The following DCC variants were observed in gnomAD, a reference collection of about 807,000 sequenced individuals.
The protein encoded by DCC is netrin receptor DCC.
In DCC, 58 loss-of-function variants were observed where a neutral mutation model predicts 172.5. That is an observed-to-expected ratio of 0.34 (90% CI 0.27 to 0.42). DCC has a LOEUF of 0.42. Among genes scored for constraint, DCC ranks in the 10% least tolerant of loss-of-function variants. The pLI, the probability that DCC is intolerant of heterozygous loss-of-function variation, is 1.00. For synonymous variants in DCC, 709 were observed against 644.5 expected, an observed-to-expected ratio of 1.10 and a Z score of -1.52; for missense variants, 1,740 against 1,791.0, an observed-to-expected ratio of 0.97 and a Z score of 0.51.
chr18:52,578,682 G>T (rs945913787), intron 1 of DCC, among the ~76,000 whole-genome samples: 2 of 152,136 alleles, frequency 1.3e-5, no homozygotes, highest in African/African-American at 4.8e-5. Context: ...CACACTAAAA[G>T]AAAATTACTT....
intron 12 of DCC, among the ~76,000 whole-genome samples, chr18:53,237,933 A>C (rs2144630302): frequency 6.6e-6 from 1 of 152,284 alleles, no homozygotes; most frequent in South Asian, 2.1e-4. Flanking sequence ...CTTAGCACAG[A>C]ATCAGATTTA....
intron 1 of DCC, among the ~76,000 whole-genome samples, chr18:52,656,028 GTA>G (rs1305725304): frequency 3.6e-5 from 4 of 112,636 alleles, no homozygotes; most frequent in Non-Finnish European, 7.2e-5. Flanking sequence ...GTATATATAT[GTA>G]TATATGTGTG....
intron 13 of DCC, among the ~76,000 whole-genome samples, chr18:53,317,581 A>G (rs752919287): frequency 6.6e-6 from 1 of 152,174 alleles, no homozygotes; most frequent in Non-Finnish European, 1.5e-5. Context: ...TACCTGTGGT[A>G]GAATTCGGCT....
intron 17 of DCC, among the ~76,000 whole-genome samples, chr18:53,396,570 G>A (rs772066966): frequency 2.0e-5 from 3 of 152,026 alleles, no homozygotes; most frequent in South Asian, 2.1e-4. Flanking sequence ...AGTTACCATC[G>A]TTAAATGTTT....
chr18:52,890,652 ATAGT>A (rs1416170077), intron 2 of DCC, among the ~76,000 whole-genome samples: 1 of 152,130 alleles, frequency 6.6e-6, no homozygotes, highest in East Asian at 1.9e-4. Flanking sequence ...ATCTTAATAG[ATAGT>A]TCTATATCTA....
At chr18:53,272,768 A>G (rs940755175) in intron 12 of DCC, among the ~76,000 whole-genome samples, 1 of 152,128 alleles carries the variant, frequency 6.6e-6, no homozygotes, top group Non-Finnish European at 1.5e-5. Context: ...TGAGGTAGCA[A>G]TGTTTACTTC....
chr18:52,966,274 C>T (rs2040928865), intron 5 of DCC, among the ~76,000 whole-genome samples: 1 of 152,094 alleles, frequency 6.6e-6, no homozygotes, highest in Non-Finnish European at 1.5e-5. Context: ...ATTCACTTTC[C>T]AAAAATGAGC....
intron 13 of DCC, among the ~76,000 whole-genome samples, chr18:53,319,009 A>G (rs1315067647): frequency 6.6e-6 from 1 of 152,148 alleles, no homozygotes; most frequent in African/African-American, 2.4e-5. Flanking sequence ...ATCCAGCCAA[A>G]CTAAGTTTCA....
At chr18:52,414,230 G>A (rs982972112) in intron 1 of DCC, among the ~76,000 whole-genome samples, 3 of 151,986 alleles carry the variant, frequency 2.0e-5, no homozygotes, top group Admixed American at 2.0e-4. Flanking sequence ...ACAGGTGCCC[G>A]CCACCATGCC....
intron 1 of DCC, among the ~76,000 whole-genome samples, chr18:52,475,335 G>C (rs1239498200): frequency 6.6e-6 from 1 of 152,160 alleles, no homozygotes; most frequent in Non-Finnish European, 1.5e-5. Flanking sequence ...TGAACATGGA[G>C]CTCCAATAGT....
intron 5 of DCC, among the ~76,000 whole-genome samples, chr18:53,017,261 T>C (rs1311995642): frequency 6.6e-6 from 1 of 152,100 alleles, no homozygotes; most frequent in Non-Finnish European, 1.5e-5. Flanking sequence ...ATGTTAATTT[T>C]CTTATGCTTC....
intron 21 of DCC, among the ~76,000 whole-genome samples, chr18:53,433,662 A>AGTT (rs77489271): frequency 0.42 from 64,253 of 151,810 alleles, 15,328 homozygotes; most frequent in Non-Finnish European, 0.55. Context: ...AATGCATCAC[A>AGTT]GTTATATAAA....
chr18:52,870,065 GA>G (rs1404252122), intron 2 of DCC, among the ~76,000 whole-genome samples: 1 of 152,010 alleles, frequency 6.6e-6, no homozygotes, highest in East Asian at 1.9e-4. Flanking sequence ...GCCAGTGGGC[GA>G]CTTGGCCTAG....
At chr18:53,328,993 T>C (rs2057500345) in intron 14 of DCC, among the ~76,000 whole-genome samples, 1 of 152,210 alleles carries the variant, frequency 6.6e-6, no homozygotes, top group African/African-American at 2.4e-5. Flanking sequence ...TCCATTTCTG[T>C]TACAAAAGGA....
intron 12 of DCC, among the ~76,000 whole-genome samples, chr18:53,243,091 G>C (rs542137527): frequency 1.3e-5 from 2 of 152,230 alleles, no homozygotes; most frequent in Non-Finnish European, 1.5e-5. Context: ...AGCATTTCTG[G>C]ATTGAAAAGA....
At chr18:53,057,352 C>T (rs28479824) in intron 5 of DCC, among the ~76,000 whole-genome samples, 16,896 of 151,998 alleles carry the variant, frequency 0.11, 1,311 homozygotes, top group East Asian at 0.37. Flanking sequence ...TTAACAATTG[C>T]AGTCTGGAAG....
At chr18:52,599,836 C>CA (rs201830229) in intron 1 of DCC, among the ~76,000 whole-genome samples, 3,661 of 150,364 alleles carry the variant, frequency 0.024, 161 homozygotes, top group African/African-American at 0.085. Flanking sequence ...TTTTAAAAAG[C>CA]AAAAAAAAAT....
intron 9 of DCC, among the ~76,000 whole-genome samples, chr18:53,190,627 A>G (rs1182259174): frequency 2.6e-5 from 4 of 152,184 alleles, no homozygotes; most frequent in African/African-American, 7.2e-5. Context: ...ATTAGTTCAG[A>G]AAACATAGCA....
chr18:52,841,273 C>G (rs1179825374), intron 2 of DCC, among the ~76,000 whole-genome samples: 1 of 136,542 alleles, frequency 7.3e-6, no homozygotes, highest in African/African-American at 2.7e-5. Flanking sequence ...GGTGACATAA[C>G]TTGTTTTCTG....
Sources: gnomAD v4.1 joint callset for allele counts (sites outside exome capture counted in the v4.1 genomes callset) on GRCh38, gnomAD v4.1.1 for gene constraint, MANE v1.5 for transcripts, NCBI Gene and HGNC (gene_info 2026-07-23, HGNC 2026-07-21) for gene names.